POLR2M: variants seen among roughly 807,000 people sequenced by gnomAD.
POLR2M encodes the protein RNA polymerase II subunit M.
In POLR2M, 30 loss-of-function variants were observed where a neutral mutation model predicts 34.6. The observed-to-expected ratio is 0.87, with a 90% confidence interval of 0.65 to 1.18. The LOEUF (loss-of-function observed/expected upper bound fraction) is 1.18, where lower values mean the gene tolerates loss of function less well. Ranked by LOEUF, POLR2M falls within the 50% of genes most tolerant of loss-of-function variation. The probability of loss-of-function intolerance (pLI) is 0.00; values close to 1 mark genes in which losing one functional copy is unlikely to be tolerated. For missense variants in POLR2M, 432 were observed against 448.7 expected (o/e 0.96, Z 0.34); for synonymous variants, 150 against 166.7 (o/e 0.90, Z 0.77).
chr15:57,714,503 G>T (rs188421975), intron 3 of POLR2M, 33 bp from the exon 4 acceptor site: 26 of 1,609,942 alleles, frequency 1.6e-5, no homozygotes, highest in Non-Finnish European at 2.2e-5. Flanking sequence ...AGATGTGAAC[G>T]TGTAACTTTG....
intron 2 of POLR2M, 121 bp from the exon 3 acceptor site, chr15:57,711,863 T>A (rs766192828): frequency 3.7e-5 from 44 of 1,178,584 alleles, no homozygotes; most frequent in Non-Finnish European, 5.3e-5. Context: ...ACTGGTAAAT[T>A]ACTTACTGTT....
Position 57,717,157 on chromosome 15 carries a change from G to C in POLR2M, c.*2478G>C, listed in dbSNP as rs1479648974. 6.6e-6 allele frequency: 1 copy of C among 152,156 alleles called. No individual in the cohort carries two copies. The highest frequency in any genetic ancestry group is 1.5e-5 in the Non-Finnish European group (1 of 68,034). The allele number at this position is 152,156 out of a possible 1,614,324, so 9.4% of individuals were successfully genotyped here. On this transcript the variant is annotated 3_prime_UTR_variant, in exon 4 of 4. Coordinates refer to ENST00000299638, the MANE Select transcript of POLR2M (RefSeq NM_015532.5). ...TTTTTATAGAATATTAAATTCTTAT[G>C]TGTCTTTTGTGTCTTAGGCCAATTT... is the stretch of plus-strand genomic sequence containing the variant.
chr15:57,707,563 A>C, intron 1 of POLR2M: 4 of 460,602 alleles, frequency 8.7e-6, no homozygotes, highest in Admixed American at 7.0e-5. Flanking sequence ...CCCACGAGAC[A>C]CTTGTAAGAA....
Position 57,706,944 on chromosome 15 carries a change from T to A in POLR2M, c.102T>A (p.Leu34=). 1 of 1,601,536 alleles carries A rather than the reference T, an allele frequency of 6.2e-7. No homozygotes were observed. The highest frequency in any genetic ancestry group is 8.5e-7 in the Non-Finnish European group (1 of 1,174,146). ...AAATGTTGAAGCGCCAGGAGAGACT[T>A]TTGCGCAACGAGTAAGCTGGGGTCC... The part of the protein sequence containing the change: ...LREMLKRQER[L]LRNEKFICKL... Residue 34 remains leucine, a synonymous_variant, in exon 1 of 4, where the codon CTT becomes CTA. Transcript: ENST00000299638.
chr15:57,707,394 A>T, intron 1 of POLR2M: 1 of 675,912 alleles, frequency 1.5e-6, no homozygotes, highest in African/African-American at 1.8e-5. Flanking sequence ...GGAAAGTTCG[A>T]CCCTCATTCA....
chr15:57,708,082 G>A (rs1013723616), intron 1 of POLR2M, among the ~76,000 whole-genome samples: 1 of 152,196 alleles, frequency 6.6e-6, no homozygotes, highest in African/African-American at 2.4e-5. Context: ...GTATAGCAGT[G>A]AATTAACTTT....
At position 57,714,770 on chromosome 15, in the gene POLR2M, G is replaced by C; in HGVS notation, c.*91G>C. Reference sequence around the variant, plus strand: ...CAAGATCAGTGTCAGATATTGTTGAGGGAAGTAATTTTATAAAGTTACACA... The same window carrying C: ...CAAGATCAGTGTCAGATATTGTTGACGGAAGTAATTTTATAAAGTTACACA... On this transcript the variant is annotated 3_prime_UTR_variant, in exon 4 of 4. Transcript: ENST00000299638. 1 of 1,528,834 alleles carries C rather than the reference G, an allele frequency of 6.5e-7. No individual in the cohort carries two copies. Among genetic ancestry groups the C allele is most frequent in the Non-Finnish European group, 8.8e-7 (1 of 1,140,066 alleles). The allele number at this position is 1,528,834 out of a possible 1,614,324, so 94.7% of individuals were successfully genotyped here. A position where few individuals can be genotyped will look rare whatever the true frequency, so the allele number is the denominator to read the frequency against.
At chr15:57,707,363 G>T in intron 1 of POLR2M, 3 of 709,666 alleles carry the variant, frequency 4.2e-6, no homozygotes, top group Non-Finnish European at 7.6e-6. Flanking sequence ...AGTGGGATAT[G>T]AAGAGGGGTT....
intron 3 of POLR2M, among the ~76,000 whole-genome samples, chr15:57,713,365 C>T (rs976220605): frequency 6.6e-6 from 1 of 151,956 alleles, no homozygotes; most frequent in Admixed American, 6.6e-5. Flanking sequence ...TGTTTACTGT[C>T]TCTGAGCTCT....
At chr15:57,707,152 C>A in intron 1 of POLR2M, 197 bp downstream of exon 1, 1 of 1,521,368 alleles carries the variant, frequency 6.6e-7, no homozygotes, top group Non-Finnish European at 8.8e-7. Context: ...GCACGTATGC[C>A]TGCGAGGATA....
rs1277775631 is a variant in POLR2M at position 57,711,983 on chromosome 15, G to A, written c.759-1G>A. 1 of 1,613,918 alleles carries A rather than the reference G, an allele frequency of 6.2e-7. No homozygotes were observed. The highest frequency in any genetic ancestry group is 1.3e-5 in the African/African-American group (1 of 75,026). ...TATAACACAAGTTTTCCTTTCATCAGGTTACCTTTTCGACAAAATGATTCA... is the reference window on the plus strand; with the variant it reads ...TATAACACAAGTTTTCCTTTCATCAAGTTACCTTTTCGACAAAATGATTCA... On this transcript the variant is annotated splice_acceptor_variant, in intron 2 of 3. Coordinates refer to ENST00000299638, the MANE Select transcript of POLR2M (RefSeq NM_015532.5). LOFTEE classifies it high-confidence loss of function.
chr15:57,709,670 A>C (rs1369508026), intron 2 of POLR2M, among the ~76,000 whole-genome samples: 1 of 152,250 alleles, frequency 6.6e-6, no homozygotes, highest in Non-Finnish European at 1.5e-5. Flanking sequence ...ATGTTGAAAA[A>C]TATTTAGTTT....
Position 57,712,099 on chromosome 15 carries a change from C to A in POLR2M, c.874C>A (p.Arg292=), listed in dbSNP as rs202121342. 207 of 1,614,010 alleles carry A rather than the reference C, an allele frequency of 1.3e-4. No individual in the cohort carries two copies. Among genetic ancestry groups the A allele is most frequent in the Non-Finnish European group, 1.6e-4 (193 of 1,180,034 alleles). ...GCATCTTGATGACATCACAGCAGCT[C>A]GGCTTCTACCACTTCACCATATGCC... ...KQHLDDITAA[R]LLPLHHMPTQ... is the part of the protein sequence containing the mutation. Residue 292 remains arginine, a synonymous_variant, in exon 3 of 4, where the codon CGG becomes AGG. Coordinates refer to ENST00000299638, the MANE Select transcript of POLR2M (RefSeq NM_015532.5).
chr15:57,713,820 C>CTTTTTTTTTTTTTTT (rs869161314), intron 3 of POLR2M, among the ~76,000 whole-genome samples: 3 of 65,640 alleles, frequency 4.6e-5, no homozygotes, highest in East Asian at 6.5e-4. Flanking sequence ...ATTAGTCCTT[C>CTTTTTTTTTTTTTTT]TTTTTTTTTT....
At chr15:57,709,458 AG>A (rs2040626475) in intron 2 of POLR2M, 100 bp downstream of exon 2, 1 of 1,392,898 alleles carries the variant, frequency 7.2e-7, no homozygotes, top group Non-Finnish European at 9.8e-7. Context: ...CTGTAGTCCC[AG>A]GCTACTCAGG....
chr15:57,712,942 G>C (rs1331296646), intron 3 of POLR2M, among the ~76,000 whole-genome samples: 1 of 152,210 alleles, frequency 6.6e-6, no homozygotes, highest in African/African-American at 2.4e-5. Context: ...TGATTAGCTA[G>C]ATTTTAGTCA....
intron 1 of POLR2M, among the ~76,000 whole-genome samples, chr15:57,707,974 A>C (rs544879227): frequency 6.6e-6 from 1 of 152,304 alleles, no homozygotes; most frequent in South Asian, 2.1e-4. Flanking sequence ...AAGAAAAGGG[A>C]ATCAGAAAAG....
rs756241083 is a variant in POLR2M at position 57,707,111 on chromosome 15, C to T, written c.113+156C>T. 2.1e-5 allele frequency: 32 copies of T among 1,545,522 alleles called. No homozygotes were observed. The South Asian group carries it at 3.2e-4, about 16-fold the overall frequency. ...TACGGGCGAGTGGACGGAGGGCTTG[C>T]TGCGGCAGAGCCGTGCCTCTTCCTG... On this transcript the variant is annotated intron_variant, in intron 1 of 3. Transcript: ENST00000299638.
chr15:57,710,984 C>T (rs1383545072), intron 2 of POLR2M, among the ~76,000 whole-genome samples: 1 of 152,166 alleles, frequency 6.6e-6, no homozygotes, highest in African/African-American at 2.4e-5. Flanking sequence ...GCACCTCTAT[C>T]CCAGATCTTC....
Sources: gnomAD v4.1 joint callset for allele counts (sites outside exome capture counted in the v4.1 genomes callset) on GRCh38, gnomAD v4.1.1 for gene constraint, MANE v1.5 for transcripts, NCBI Gene and HGNC (gene_info 2026-07-23, HGNC 2026-07-21) for gene names.